Variants in ME3 observed in about 807,000 individuals in gnomAD.
ME3 encodes NADP-dependent malic enzyme, mitochondrial.
In ME3, 48 loss-of-function variants were observed where a neutral mutation model predicts 68.9. That is an observed-to-expected ratio of 0.70 (90% confidence interval 0.55 to 0.89). ME3 has a LOEUF of 0.89. Among genes scored for constraint, ME3 ranks in the 40% least tolerant of loss-of-function variants. The pLI, the probability that ME3 is intolerant of heterozygous loss-of-function variation, is 0.00. For synonymous variants in ME3, 320 were observed against 318.8 expected, an observed-to-expected ratio of 1.00 and a Z score of -0.04; for missense variants, 675 against 797.4, an observed-to-expected ratio of 0.85 and a Z score of 1.85.
chr11:86,576,671 C>T (rs539397816), intron 2 of ME3, among the ~76,000 whole-genome samples: 1 of 152,174 alleles, frequency 6.6e-6, no homozygotes, highest in East Asian at 1.9e-4. Context: ...GTTTGCTGCA[C>T]CACCATTGGG....
chr11:86,586,192 A>G (rs944327327), intron 2 of ME3, among the ~76,000 whole-genome samples: 1 of 152,200 alleles, frequency 6.6e-6, no homozygotes, highest in African/African-American at 2.4e-5. Flanking sequence ...ACTTCCAGGT[A>G]TAGGGGCAAA....
intron 14 of ME3, among the ~76,000 whole-genome samples, chr11:86,442,346 C>A (rs557205992): frequency 6.5e-4 from 99 of 152,280 alleles, no homozygotes; most frequent in African/African-American, 2.3e-3. Flanking sequence ...TGTTCTCTGC[C>A]AATCTCCAGA....
At chr11:86,541,318 G>T (rs1027302833) in intron 4 of ME3, among the ~76,000 whole-genome samples, 5 of 152,054 alleles carry the variant, frequency 3.3e-5, no homozygotes, top group African/African-American at 1.2e-4. Flanking sequence ...GCCTGGAAAG[G>T]GGGCTGAAGC....
At chr11:86,536,125 A>T (rs370573213) in intron 4 of ME3, among the ~76,000 whole-genome samples, 31 of 152,304 alleles carry the variant, frequency 2.0e-4, no homozygotes, top group African/African-American at 7.2e-4. Context: ...CTTGTGTGGA[A>T]GGGGGCTGCC....
At chr11:86,449,898 G>T in exon 10 of ME3, 1 of 1,612,348 alleles carries the variant, frequency 6.2e-7, no homozygotes, top group South Asian at 1.1e-5. Flanking sequence ...CCTTGACAAT[G>T]AGCCCTTTAG....
chr11:86,456,265 G>T (rs1181782986), intron 8 of ME3, among the ~76,000 whole-genome samples: 1 of 152,172 alleles, frequency 6.6e-6, no homozygotes, highest in African/African-American at 2.4e-5. Flanking sequence ...GAGGGGTTGC[G>T]CAAAGCATTT....
At chr11:86,641,729 T>C (rs774312374) in intron 2 of ME3, among the ~76,000 whole-genome samples, 44 of 152,216 alleles carry the variant, frequency 2.9e-4, no homozygotes, top group Non-Finnish European at 5.6e-4. Context: ...GTTTTCATCA[T>C]TGGACTTTCT....
intron 4 of ME3, among the ~76,000 whole-genome samples, chr11:86,527,814 T>C (rs953900663): frequency 2.0e-5 from 3 of 152,200 alleles, no homozygotes; most frequent in Admixed American, 6.5e-5. Context: ...CTGAGAGATT[T>C]TGTCACCACC....
At chr11:86,516,108 G>A (rs1022839610) in intron 4 of ME3, among the ~76,000 whole-genome samples, 1 of 152,068 alleles carries the variant, frequency 6.6e-6, no homozygotes, top group African/African-American at 2.4e-5. Context: ...AAGCAGTCAT[G>A]GAAATCTTGC....
intron 2 of ME3, among the ~76,000 whole-genome samples, chr11:86,566,565 G>A (rs1957490216): frequency 6.6e-6 from 1 of 152,098 alleles, no homozygotes; most frequent in Non-Finnish European, 1.5e-5. Context: ...TTCTAAAGAA[G>A]AGACTTTAAT....
chr11:86,518,009 A>G (rs940801764), intron 4 of ME3, among the ~76,000 whole-genome samples: 2 of 152,240 alleles, frequency 1.3e-5, no homozygotes, highest in Non-Finnish European at 2.9e-5. Context: ...AGGGCTTGGC[A>G]TGTGGTAAAT....
intron 8 of ME3, among the ~76,000 whole-genome samples, chr11:86,456,476 C>G (rs1030031457): frequency 6.6e-6 from 1 of 152,074 alleles, no homozygotes; most frequent in Non-Finnish European, 1.5e-5. Context: ...AGGAAATTGA[C>G]AGAGAAAGGT....
chr11:86,485,630 A>G (rs1242976917), intron 7 of ME3, among the ~76,000 whole-genome samples: 1 of 152,084 alleles, frequency 6.6e-6, no homozygotes, highest in Non-Finnish European at 1.5e-5. Flanking sequence ...CTTACTATCC[A>G]TTGATCACCC....
rs1959164129 is a variant in ME3, at chr11:86,593,301, C to A, written c.184-33478G>T. 7.5e-5 allele frequency among the ~76,000 whole-genome samples: 11 copies of A among 146,726 alleles called. 3 individuals carry two copies. In the South Asian group the frequency reaches 2.2e-3, roughly 30 times the overall value. ...CAGGAAGTGACAATGTCATTCCTAA[C>A]CTGTTGGAATTTTAACACCTGTCAT... On this transcript the variant is annotated intron_variant, in intron 2 of 14. Transcript: ENST00000543262.
At chr11:86,627,957 A>G (rs147562054) in intron 2 of ME3, among the ~76,000 whole-genome samples, 85 of 152,278 alleles carry the variant, frequency 5.6e-4, no homozygotes, top group Middle Eastern at 3.4e-3. Context: ...CAGGATGTCT[A>G]TGCTTCCAGC....
At chr11:86,601,726 C>G (rs965437243) in intron 2 of ME3, among the ~76,000 whole-genome samples, 19 of 151,986 alleles carry the variant, frequency 1.3e-4, no homozygotes, top group African/African-American at 4.3e-4. Flanking sequence ...CAAAGTGAAT[C>G]CAGCAGCACA....
intron 2 of ME3, among the ~76,000 whole-genome samples, chr11:86,665,250 G>C (rs1216189675): frequency 6.6e-6 from 1 of 152,240 alleles, no homozygotes; most frequent in African/African-American, 2.4e-5. Context: ...CAGTTAGATA[G>C]CATATGAGGA....
chr11:86,462,185 TTA>T (rs1950255511), intron 8 of ME3, among the ~76,000 whole-genome samples: 1 of 152,238 alleles, frequency 6.6e-6, no homozygotes, highest in Non-Finnish European at 1.5e-5. Flanking sequence ...GTGAGTCCAC[TTA>T]TATGCAGATT....
chr11:86,507,229 A>T (rs1953148002), intron 5 of ME3, among the ~76,000 whole-genome samples: 1 of 152,182 alleles, frequency 6.6e-6, no homozygotes. Flanking sequence ...ATGGGCAGGG[A>T]AAAAGAGAGA....
Sources: allele counts gnomAD v4.1 joint callset (sites outside exome capture counted in the v4.1 genomes callset), GRCh38; gene constraint gnomAD v4.1.1; transcripts MANE v1.5; gene names NCBI Gene and HGNC (gene_info 2026-07-23, HGNC 2026-07-21).